PDE4D: variants seen among roughly 807,000 people sequenced by gnomAD.
The protein encoded by PDE4D is 3',5'-cyclic-AMP phosphodiesterase 4D.
In PDE4D, 24 loss-of-function variants were observed where a neutral mutation model predicts 87.4. The observed-to-expected ratio is 0.27, with a 90% confidence interval of 0.20 to 0.39. The LOEUF (loss-of-function observed/expected upper bound fraction) is 0.39, where lower values mean the gene tolerates loss of function less well. PDE4D is among the 10% of genes least tolerant of loss of function. The pLI, the probability that PDE4D is intolerant of heterozygous loss-of-function variation, is 1.00. For missense variants in PDE4D, 714 were observed against 1,041.0 expected (o/e 0.69, Z 4.32); for synonymous variants, 384 against 383.2 (o/e 1.00, Z -0.02).
chr5:59,918,458 T>A (rs1206426924), intron 3 of PDE4D, among the ~76,000 whole-genome samples: 3 of 152,206 alleles, frequency 2.0e-5, no homozygotes, highest in Non-Finnish European at 4.4e-5. Context: ...GTTTATATTT[T>A]CCTCATCTTG....
At chr5:59,396,511 C>A (rs13355311) in intron 1 of PDE4D, among the ~76,000 whole-genome samples, 16,026 of 71,884 alleles carry the variant, frequency 0.22, 3,635 homozygotes, top group Middle Eastern at 0.43. Flanking sequence ...GAAATAAAAT[C>A]CTTTACAGAC....
intron 1 of PDE4D, among the ~76,000 whole-genome samples, chr5:59,627,628 C>T (rs140266076): frequency 9.7e-4 from 148 of 152,272 alleles, no homozygotes; most frequent in African/African-American, 3.3e-3. Context: ...GGAGTATGTG[C>T]TATACTTCAA....
Position 59,285,503 on chromosome 5 carries a change from A to C in PDE4D, c.456-69535T>G, listed in dbSNP as rs1766752867. Among the ~76,000 whole-genome samples, 4 of 150,630 alleles carry C rather than the reference A, an allele frequency of 2.7e-5. 1 individual carries two copies. The South Asian group carries it at 8.4e-4, about 32-fold the overall frequency. The stretch of plus-strand genomic sequence containing the variant: ...TGTGCCAAAAAGGAGTTCCTACAAT[A>C]GTGTTATAATTAAAAAAAAAATTCT... On this transcript the variant is annotated intron_variant, in intron 1 of 14. Transcript: ENST00000340635.
At chr5:59,901,291 T>C (rs2152762597) in intron 3 of PDE4D, among the ~76,000 whole-genome samples, 1 of 152,344 alleles carries the variant, frequency 6.6e-6, no homozygotes, top group Non-Finnish European at 1.5e-5. Context: ...AGAATACCAG[T>C]TGAAGACTGG....
At chr5:59,067,920 A>T (rs1334965984) in intron 5 of PDE4D, among the ~76,000 whole-genome samples, 1 of 152,188 alleles carries the variant, frequency 6.6e-6, no homozygotes, top group Non-Finnish European at 1.5e-5. Context: ...TAAGTAGGTA[A>T]AATATTGCAT....
intron 2 of PDE4D, among the ~76,000 whole-genome samples, chr5:60,054,811 T>A (rs1214462495): frequency 1.3e-5 from 2 of 151,926 alleles, no homozygotes; most frequent in Non-Finnish European, 2.9e-5. Context: ...TATTTCTACC[T>A]GCAGAAAACA....
intron 2 of PDE4D, among the ~76,000 whole-genome samples, chr5:60,103,540 C>A (rs1225395480): frequency 6.6e-6 from 1 of 152,068 alleles, no homozygotes; most frequent in Non-Finnish European, 1.5e-5. Flanking sequence ...CAAACTGTTA[C>A]CATTGCTAGA....
intron 5 of PDE4D, among the ~76,000 whole-genome samples, chr5:59,168,423 G>A (rs900668644): frequency 1.3e-5 from 2 of 152,132 alleles, no homozygotes; most frequent in East Asian, 1.9e-4. Flanking sequence ...TCAATGCTCT[G>A]CCCCTGGGCA....
At chr5:59,478,799 T>C (rs1403803365) in intron 1 of PDE4D, among the ~76,000 whole-genome samples, 1 of 152,078 alleles carries the variant, frequency 6.6e-6, no homozygotes, top group Admixed American at 6.6e-5. Flanking sequence ...TATTAAAAAC[T>C]ATCTATTTGA....
chr5:60,366,795 A>C (rs1760588962), intron 1 of PDE4D, among the ~76,000 whole-genome samples: 1 of 152,222 alleles, frequency 6.6e-6, no homozygotes, highest in African/African-American at 2.4e-5. Flanking sequence ...GAGAATTTAA[A>C]CTTCATGCAA....
intron 4 of PDE4D, 116 bp downstream of exon 4, chr5:59,185,073 A>G: frequency 1.4e-6 from 1 of 710,966 alleles, no homozygotes. Context: ...CTTAGTATAC[A>G]CAGACAACAT....
chr5:60,283,760 C>T lies in PDE4D; in HGVS notation c.-89-98073G>A, dbSNP rs1009345230. On this transcript the variant is annotated intron_variant, in intron 1 of 16. Coordinates refer to the PDE4D transcript ENST00000502484. Reference sequence around the variant, plus strand: ...TCACAGCAGGGCCTGTAAAATGTGCCAGGTCTCCCAAGGTGGCCATACTCT... The same window carrying T: ...TCACAGCAGGGCCTGTAAAATGTGCTAGGTCTCCCAAGGTGGCCATACTCT... 5.9e-5 allele frequency among the ~76,000 whole-genome samples: 9 copies of T among 152,140 alleles called. No individual in the cohort carries two copies. In the East Asian group the frequency reaches 1.7e-3, roughly 29 times the overall value.
chr5:59,391,303 C>A (rs58410948), intron 1 of PDE4D, among the ~76,000 whole-genome samples: 1 of 152,116 alleles, frequency 6.6e-6, no homozygotes, highest in Non-Finnish European at 1.5e-5. Flanking sequence ...TATGATAGAA[C>A]AAATTATCTA....
intron 1 of PDE4D, among the ~76,000 whole-genome samples, chr5:60,388,377 G>A (rs574111026): frequency 6.6e-6 from 1 of 150,392 alleles, no homozygotes; most frequent in East Asian, 2.0e-4. Context: ...GTTTTTTGGG[G>A]TTTTTTCTTT....
chr5:59,908,780 C>T (rs1224803058), intron 3 of PDE4D, among the ~76,000 whole-genome samples: 2 of 152,082 alleles, frequency 1.3e-5, no homozygotes, highest in Non-Finnish European at 2.9e-5. Context: ...CATCTACTTT[C>T]AAAAGGTAAT....
intron 1 of PDE4D, among the ~76,000 whole-genome samples, chr5:59,596,717 C>T (rs1179995611): frequency 1.3e-5 from 2 of 152,100 alleles, no homozygotes; most frequent in African/African-American, 4.8e-5. Context: ...CTACACTTCA[C>T]CATTATAAAA....
intron 1 of PDE4D, among the ~76,000 whole-genome samples, chr5:59,763,335 TA>T (rs1352329914): frequency 6.6e-6 from 1 of 150,678 alleles, no homozygotes; most frequent in African/African-American, 2.4e-5. Flanking sequence ...AATAATAAAA[TA>T]AAAAATAAAA....
At chr5:59,565,597 C>T (rs908078982) in intron 1 of PDE4D, among the ~76,000 whole-genome samples, 7 of 152,188 alleles carry the variant, frequency 4.6e-5, no homozygotes, top group African/African-American at 1.7e-4. Context: ...GTTGCAGCAT[C>T]ACTGGGAGGT....
chr5:58,978,981 A>G (rs1296821372), intron 11 of PDE4D, among the ~76,000 whole-genome samples: 1 of 152,212 alleles, frequency 6.6e-6, no homozygotes, highest in Non-Finnish European at 1.5e-5. Flanking sequence ...TAGATACTGG[A>G]TAATTATTAG....
Sources: allele counts gnomAD v4.1 joint callset (sites outside exome capture counted in the v4.1 genomes callset), GRCh38; gene constraint gnomAD v4.1.1; transcripts MANE v1.5; gene names NCBI Gene and HGNC (gene_info 2026-07-23, HGNC 2026-07-21).